MTR: variants seen among roughly 807,000 people sequenced by gnomAD.
MTR encodes 5-methyltetrahydrofolate-homocysteine methyltransferase.
Under a neutral mutation model 154.8 loss-of-function variants are expected in MTR, and 84 were observed. The observed-to-expected ratio is 0.54, with a 90% CI of 0.45 to 0.65. MTR has a LOEUF of 0.65. MTR is among the 30% of genes least tolerant of loss of function. The pLI, the probability that MTR is intolerant of heterozygous loss-of-function variation, is 0.00. For missense variants in MTR, 1,275 were observed against 1,570.2 expected (o/e 0.81, Z 3.18); for synonymous variants, 554 against 553.9 (o/e 1.00, Z 0.00).
intron 18 of MTR, among the ~76,000 whole-genome samples, chr1:236,854,379 C>T (rs748550165): frequency 3.0e-4 from 46 of 152,208 alleles, no homozygotes; most frequent in Non-Finnish European, 4.9e-4. Context: ...CAGATACAAT[C>T]AAGTTCTACT....
chr1:236,892,934 A>G (rs1666411908), intron 29 of MTR, among the ~76,000 whole-genome samples: 1 of 152,184 alleles, frequency 6.6e-6, no homozygotes, highest in South Asian at 2.1e-4. Flanking sequence ...CCTTTTTAGT[A>G]GCCTCTGGAG....
intron 29 of MTR, 137 bp downstream of exon 29, chr1:236,891,466 C>T: frequency 2.1e-6 from 2 of 952,174 alleles, no homozygotes; most frequent in Non-Finnish European, 3.3e-6. Context: ...AGTGACCAGT[C>T]ACACGCCCAA....
intron 1 of MTR, among the ~76,000 whole-genome samples, chr1:236,802,260 T>C (rs1219490118): frequency 6.6e-6 from 1 of 152,110 alleles, no homozygotes; most frequent in Non-Finnish European, 1.5e-5. Context: ...GCAAGTTTGG[T>C]TTTGAATATT....
chr1:236,815,578 G>A (rs779665024), intron 6 of MTR, 26 bp from the exon 7 acceptor site: 3 of 1,612,944 alleles, frequency 1.9e-6, no homozygotes, highest in Non-Finnish European at 1.7e-6. Context: ...CAGAAATAAA[G>A]ACGTTCTTTC....
chr1:236,858,464 A>G (rs1664331585), intron 18 of MTR, among the ~76,000 whole-genome samples: 1 of 152,206 alleles, frequency 6.6e-6, no homozygotes, highest in Non-Finnish European at 1.5e-5. Context: ...CAGCCAAACC[A>G]TCTCATCAGG....
intron 30 of MTR, chr1:236,894,963 G>T (rs1331363989): frequency 2.8e-6 from 1 of 354,264 alleles, no homozygotes; most frequent in Non-Finnish European, 5.3e-6. Context: ...TGCATGGAAT[G>T]AGGGTAGTAG....
chr1:236,869,561 T>G (rs988274768), intron 22 of MTR, among the ~76,000 whole-genome samples: 3 of 152,234 alleles, frequency 2.0e-5, no homozygotes, highest in Non-Finnish European at 4.4e-5. Context: ...TTCATTTTTA[T>G]TCTCTTTAGC....
At chr1:236,878,490 C>T (rs189443150) in intron 24 of MTR, among the ~76,000 whole-genome samples, 12 of 152,110 alleles carry the variant, frequency 7.9e-5, no homozygotes, top group East Asian at 5.8e-4. Flanking sequence ...CCAAGATACT[C>T]GAAATGAAGG....
rs1483559729 is a variant in MTR at position 236,898,919 on chromosome 1, A to G, written c.*1275A>G. ...CTCAACCATGTCATCTTTTTCTTGG[A>G]TGATTGCAGTTATTTCAAAAATTTG... On this transcript the variant is annotated 3_prime_UTR_variant, in exon 33 of 33. Transcript: ENST00000366577. The G allele has an allele frequency of 6.6e-6, 1 of 152,198 alleles. No homozygotes were observed. Among genetic ancestry groups the G allele is most frequent in the Non-Finnish European group, 1.5e-5 (1 of 68,034 alleles). 9.4% of individuals were successfully genotyped at this position (152,198 alleles called of 1,614,324 possible).
intron 29 of MTR, among the ~76,000 whole-genome samples, chr1:236,892,652 A>AG (rs1572344356): frequency 6.6e-6 from 1 of 152,216 alleles, no homozygotes; most frequent in African/African-American, 2.4e-5. Context: ...ATATGCACTT[A>AG]GGCTCAGTAA....
At chr1:236,820,471 C>T in intron 8 of MTR, 1 of 1,407,156 alleles carries the variant, frequency 7.1e-7, no homozygotes, top group Non-Finnish European at 9.9e-7. Context: ...TCTGCAGCTC[C>T]CACTGCTCAG....
At chr1:236,886,433 T>G in intron 27 of MTR, 66 bp downstream of exon 27, 1 of 1,475,710 alleles carries the variant, frequency 6.8e-7, no homozygotes, top group Non-Finnish European at 9.4e-7. Flanking sequence ...AGGAAATACA[T>G]GCATTTACTT....
chr1:236,850,811 G>A (rs575032237), intron 16 of MTR, among the ~76,000 whole-genome samples: 2 of 152,246 alleles, frequency 1.3e-5, no homozygotes, highest in South Asian at 2.1e-4. Flanking sequence ...TAGCCTGGGC[G>A]ACAGAGTGAG....
intron 13 of MTR, among the ~76,000 whole-genome samples, chr1:236,834,304 A>G (rs964557499): frequency 6.6e-6 from 1 of 152,114 alleles, no homozygotes; most frequent in African/African-American, 2.4e-5. Flanking sequence ...CCCAGCCTCC[A>G]GAGAAGCTGG....
chr1:236,867,246 G>A (rs1350371594), intron 22 of MTR, among the ~76,000 whole-genome samples: 1 of 152,168 alleles, frequency 6.6e-6, no homozygotes, highest in East Asian at 1.9e-4. Context: ...TTGCCATTCT[G>A]AAAATTCTAG....
At chr1:236,861,425 A>T in intron 20 of MTR, 148 bp downstream of exon 20, 1 of 1,230,836 alleles carries the variant, frequency 8.1e-7, no homozygotes, top group Non-Finnish European at 1.2e-6. Flanking sequence ...TATGTTTAGG[A>T]GTCATGTCTG....
intron 21 of MTR, among the ~76,000 whole-genome samples, chr1:236,862,773 C>G (rs2103309778): frequency 6.6e-6 from 1 of 152,242 alleles, no homozygotes; most frequent in East Asian, 1.9e-4. Context: ...TCCTTGGCAC[C>G]ACTTCTGGAT....
intron 25 of MTR, among the ~76,000 whole-genome samples, chr1:236,881,746 T>G (rs1572325365): frequency 1.3e-5 from 2 of 152,200 alleles, no homozygotes; most frequent in East Asian, 3.9e-4. Context: ...GCGAATTTAT[T>G]TACATGAAAG....
In MTR at chr1:236,795,424, G is replaced by T. The variant is rs1660311136; in HGVS notation, c.-280G>T. ...CGCGACTCCGCCTCTGGCCGCGCGTGTCTGGCTGCTAGGCCGACACCAAGG... is the reference window on the plus strand; with the variant it reads ...CGCGACTCCGCCTCTGGCCGCGCGTTTCTGGCTGCTAGGCCGACACCAAGG... On this transcript the variant is annotated 5_prime_UTR_variant, in exon 1 of 33. Transcript: ENST00000366577. 2 of 1,472,262 alleles carry T rather than the reference G, an allele frequency of 1.4e-6. No homozygotes were observed. The highest frequency in any genetic ancestry group is 1.4e-5 in the African/African-American group (1 of 71,786). The allele number at this position is 1,472,262 out of a possible 1,614,324, so 91.2% of individuals were successfully genotyped here. A position where few individuals can be genotyped will look rare whatever the true frequency, so the allele number is the denominator to read the frequency against.
Sources: allele counts gnomAD v4.1 joint callset (sites outside exome capture counted in the v4.1 genomes callset), GRCh38; gene constraint gnomAD v4.1.1; transcripts MANE v1.5; gene names NCBI Gene and HGNC (gene_info 2026-07-23, HGNC 2026-07-21).